Variants in FMN1 observed in about 807,000 individuals in gnomAD.
FMN1 encodes the protein formin-1.
In FMN1, 110 loss-of-function variants were observed where a neutral mutation model predicts 132.4. The observed-to-expected ratio is 0.83, with a 90% CI of 0.71 to 0.97. FMN1 has a LOEUF of 0.97. FMN1 is among the 50% of genes least tolerant of loss of function. The pLI, the probability that FMN1 is intolerant of heterozygous loss-of-function variation, is 0.00. For missense variants in FMN1, 1,792 were observed against 1,705.3 expected (o/e 1.05, Z -0.90); for synonymous variants, 722 against 651.7 (o/e 1.11, Z -1.64).
intron 3 of FMN1, among the ~76,000 whole-genome samples, chr15:33,179,651 T>C (rs1965629764): frequency 6.6e-6 from 1 of 152,236 alleles, no homozygotes; most frequent in Non-Finnish European, 1.5e-5. Context: ...AGAATGTAAC[T>C]GTCATGAAAA....
intron 6 of FMN1, among the ~76,000 whole-genome samples, chr15:33,032,389 T>C (rs1261582888): frequency 6.6e-6 from 1 of 152,242 alleles, no homozygotes; most frequent in East Asian, 1.9e-4. Flanking sequence ...TCAAAAACAT[T>C]GAATTTCTTA....
chr15:32,920,035 T>A (rs1393213548), intron 10 of FMN1, among the ~76,000 whole-genome samples: 1 of 152,202 alleles, frequency 6.6e-6, no homozygotes, highest in Non-Finnish European at 1.5e-5. Flanking sequence ...GGATGTTTTA[T>A]CTTGATGTTA....
At chr15:32,968,139 T>A (rs1428978157) in intron 8 of FMN1, among the ~76,000 whole-genome samples, 1 of 152,236 alleles carries the variant, frequency 6.6e-6, no homozygotes, top group Non-Finnish European at 1.5e-5. Flanking sequence ...AAGGAAGATG[T>A]GAGAGTACTT....
rs910963738 is a variant in FMN1, at chr15:32,773,857, A to C, written c.*453T>G. 1 of 167,646 alleles carries C rather than the reference A, an allele frequency of 6.0e-6. No individual in the cohort carries two copies. Among genetic ancestry groups the C allele is most frequent in the African/African-American group, 2.4e-5 (1 of 41,590 alleles). 10.4% of individuals were successfully genotyped at this position (167,646 alleles called of 1,614,324 possible). ...GCAGGATTTTGCTGCAACAGGATCA[A>C]AACTAAGACCAATAATCAAAACAGC... On this transcript the variant is annotated 3_prime_UTR_variant, in exon 21 of 21. Coordinates refer to ENST00000616417, the MANE Select transcript of FMN1 (RefSeq NM_001277313.2).
At chr15:33,046,678 A>G (rs2036700358) in intron 6 of FMN1, among the ~76,000 whole-genome samples, 1 of 152,168 alleles carries the variant, frequency 6.6e-6, no homozygotes, top group South Asian at 2.1e-4. Flanking sequence ...GGGCTCTCTT[A>G]GGGAAAGAGA....
At chr15:33,184,883 G>C (rs550940946) in intron 2 of FMN1, among the ~76,000 whole-genome samples, 1 of 152,156 alleles carries the variant, frequency 6.6e-6, no homozygotes, top group South Asian at 2.1e-4. Context: ...AAGCGGAAAA[G>C]ACTGTATTCT....
chr15:32,808,750 G>C (rs1487329723), intron 17 of FMN1, among the ~76,000 whole-genome samples: 3 of 152,198 alleles, frequency 2.0e-5, no homozygotes, highest in Non-Finnish European at 4.4e-5. Flanking sequence ...CTATTGGCTA[G>C]AAGCAAATGC....
chr15:33,128,725 G>A (rs1006306502), intron 4 of FMN1, among the ~76,000 whole-genome samples: 2 of 152,240 alleles, frequency 1.3e-5, no homozygotes, highest in African/African-American at 2.4e-5. Flanking sequence ...AAGTGTGACA[G>A]CTCTTAAAGG....
chr15:32,865,403 G>A (rs890523544), intron 16 of FMN1, among the ~76,000 whole-genome samples: 4 of 152,096 alleles, frequency 2.6e-5, no homozygotes, highest in Non-Finnish European at 5.9e-5. Flanking sequence ...AAAATCTTAG[G>A]TGCAACTATG....
chr15:32,873,651 G>A (rs758288933), intron 16 of FMN1, among the ~76,000 whole-genome samples: 2 of 152,136 alleles, frequency 1.3e-5, no homozygotes, highest in Non-Finnish European at 2.9e-5. Flanking sequence ...AGGAGAGGGG[G>A]AGTTCTGGGC....
intron 4 of FMN1, among the ~76,000 whole-genome samples, chr15:33,143,268 A>G (rs951108924): frequency 2.6e-5 from 4 of 152,234 alleles, no homozygotes; most frequent in African/African-American, 7.2e-5. Context: ...GGGTAACAGC[A>G]TCTAACATTG....
intron 3 of FMN1, among the ~76,000 whole-genome samples, chr15:33,158,067 G>A (rs935851516): frequency 1.3e-5 from 2 of 151,842 alleles, no homozygotes; most frequent in African/African-American, 4.8e-5. Flanking sequence ...GTCTGATCAG[G>A]TAAAGTGCTG....
intron 20 of FMN1, among the ~76,000 whole-genome samples, chr15:32,775,307 C>T (rs2056380724): frequency 2.0e-5 from 3 of 152,022 alleles, no homozygotes; most frequent in Admixed American, 2.0e-4. Flanking sequence ...CCCTGATTTC[C>T]ACCCACCCAC....
intron 7 of FMN1, among the ~76,000 whole-genome samples, chr15:32,999,653 G>A (rs1481551123): frequency 1.3e-5 from 2 of 152,176 alleles, no homozygotes; most frequent in East Asian, 1.9e-4. Flanking sequence ...TGTGATAAAT[G>A]GGGTAAACGA....
intron 10 of FMN1, among the ~76,000 whole-genome samples, chr15:32,921,036 T>TC (rs1491546749): frequency 8.5e-5 from 13 of 152,138 alleles, no homozygotes. Flanking sequence ...CAGTGAGCAG[T>TC]CTCCTTCTCA....
At chr15:32,778,956 C>A (rs985446520) in intron 19 of FMN1, among the ~76,000 whole-genome samples, 1 of 151,984 alleles carries the variant, frequency 6.6e-6, no homozygotes, top group African/African-American at 2.4e-5. Flanking sequence ...GTGGTATATC[C>A]ATACAATGGA....
intron 9 of FMN1, among the ~76,000 whole-genome samples, chr15:32,932,789 T>C (rs1324761917): frequency 6.6e-6 from 1 of 152,222 alleles, no homozygotes; most frequent in Non-Finnish European, 1.5e-5. Context: ...TGGCATGTAA[T>C]TGTTCATAGT....
intron 10 of FMN1, among the ~76,000 whole-genome samples, chr15:32,921,762 T>A (rs183058938): frequency 3.0e-4 from 45 of 150,498 alleles, no homozygotes; most frequent in Non-Finnish European, 5.9e-4. Context: ...CTCCACCTCC[T>A]ACGCTCAAGC....
At chr15:33,033,874 G>A (rs368256502) in intron 6 of FMN1, among the ~76,000 whole-genome samples, 11 of 152,108 alleles carry the variant, frequency 7.2e-5, no homozygotes, top group Non-Finnish European at 1.3e-4. Context: ...TCTATCACGC[G>A]GCACACTCCC....
Sources: gnomAD v4.1 joint callset for allele counts (sites outside exome capture counted in the v4.1 genomes callset) on GRCh38, gnomAD v4.1.1 for gene constraint, MANE v1.5 for transcripts, NCBI Gene and HGNC (gene_info 2026-07-23, HGNC 2026-07-21) for gene names.